CBLC: variants seen among roughly 807,000 people sequenced by gnomAD.
CBLC encodes E3 ubiquitin-protein ligase CBL-C.
CBLC carries 46 observed loss-of-function variants against 58.6 expected under a neutral mutation model. The ratio of observed to expected loss-of-function variants is 0.79; its 90% CI spans 0.62 to 1.00. The LOEUF is 1.00. Ranked by LOEUF, CBLC falls within the 50% of genes least tolerant of loss-of-function variation. The probability of loss-of-function intolerance (pLI) is 0.00; values close to 1 mark genes in which losing one functional copy is unlikely to be tolerated. For missense variants in CBLC, 655 were observed against 625.8 expected (o/e 1.05, Z -0.50); for synonymous variants, 271 against 264.2 (o/e 1.03, Z -0.25).
Position 44,784,282 on chromosome 19 carries a change from C to G in CBLC, c.798C>G (p.Ser266Arg), listed in dbSNP as rs1224709577. The stretch of plus-strand genomic sequence containing the variant: ...CCTCCAGTTACATCTTCCGGCCCAG[C>G]TGTACTCGCCTGGGGCAGTGGGCCA... ...DKPGSYIFRP[S>R]CTRLGQWAIG... The change falls in exon 5 of 11, where the codon AGC (serine) becomes AGG (arginine). Residue 266 changes from serine to arginine, a missense_variant. Ser to Arg is a moderately radical substitution (Grantham distance 110). This residue lies in a region of CBLC where 371 missense variants were observed against 370.8 expected (regional missense o/e 1.00). Transcript: ENST00000647358. 2.5e-6 allele frequency: 4 copies of G among 1,575,578 alleles called. No homozygotes were observed. Among genetic ancestry groups the G allele is most frequent in the Non-Finnish European group, 2.6e-6 (3 of 1,149,594 alleles).
chr19:44,792,891 A>T (rs2122491373), intron 7 of CBLC, among the ~76,000 whole-genome samples: 1 of 152,256 alleles, frequency 6.6e-6, no homozygotes, highest in South Asian at 2.1e-4. Flanking sequence ...TCACGCCTGT[A>T]ATCTCAGCAC....
rs564656795 is a variant in CBLC at position 44,794,073 on chromosome 19, C to A, written c.1285-131C>A. The A allele has an allele frequency of 2.7e-4, 388 of 1,447,256 alleles. 5 individuals carry two copies. The South Asian group carries it at 5.4e-3, about 20-fold the overall frequency. The allele number at this position is 1,447,256 out of a possible 1,614,324, so 89.7% of individuals were successfully genotyped here. A position where few individuals can be genotyped will look rare whatever the true frequency, so the allele number is the denominator to read the frequency against. ...GCTGTAACCCTCCTAAGTGTTCATA[C>A]GTTGTCTTGGTCTCTGTTATATCTT... On this transcript the variant is annotated intron_variant, in intron 8 of 10. Transcript: ENST00000647358.
At position 44,784,283 on chromosome 19, in the gene CBLC, T is replaced by C. The variant is rs1350362593; in HGVS notation, c.799T>C (p.Cys267Arg). 1 of 1,575,974 alleles carries C rather than the reference T, an allele frequency of 6.3e-7. No homozygotes were observed. The highest frequency in any genetic ancestry group is 8.7e-7 in the Non-Finnish European group (1 of 1,149,818). The part of the protein sequence containing the change: ...KPGSYIFRPS[C>R]TRLGQWAIGY... ...CTCCAGTTACATCTTCCGGCCCAGC[T>C]GTACTCGCCTGGGGCAGTGGGCCAT... Residue 267 changes from cysteine (C) to arginine (R), a missense_variant, in exon 5 of 11, where the codon TGT (cysteine) becomes CGT (arginine). This residue lies in a region of CBLC where 371 missense variants were observed against 370.8 expected (regional missense o/e 1.00). Transcript: ENST00000647358.
rs561741476 is a variant in CBLC at position 44,780,598 on chromosome 19, G to A, written c.354-307G>A. On this transcript the variant is annotated intron_variant, in intron 1 of 10. Transcript: ENST00000647358. ...AGCGATTCTCCTGCCTCAGCCTCCTGAGTAGCTGGGATTATAGGCGGGCGC... is the reference window on the plus strand; with the variant it reads ...AGCGATTCTCCTGCCTCAGCCTCCTAAGTAGCTGGGATTATAGGCGGGCGC... 1.5e-3 allele frequency among the ~76,000 whole-genome samples: 222 copies of A among 148,510 alleles called. 1 individual carries two copies. Among genetic ancestry groups the A allele is most frequent in the East Asian group, 0.013 (66 of 5,032 alleles).
At chr19:44,780,751 G>C (rs1174454042) in intron 1 of CBLC, among the ~76,000 whole-genome samples, 154 bp from the exon 2 acceptor site, 2 of 152,220 alleles carry the variant, frequency 1.3e-5, no homozygotes, top group Non-Finnish European at 1.5e-5. Flanking sequence ...GGGATTACAG[G>C]CGTGAGCCAC....
At chr19:44,798,014 G>A (rs962439008) in intron 9 of CBLC, among the ~76,000 whole-genome samples, 10 of 152,122 alleles carry the variant, frequency 6.6e-5, no homozygotes, top group African/African-American at 2.2e-4. Flanking sequence ...GTATGGTGCT[G>A]TGGCCCCTGG....
chr19:44,794,449 G>A (rs1298079203), intron 9 of CBLC, among the ~76,000 whole-genome samples, 168 bp downstream of exon 9: 2 of 149,890 alleles, frequency 1.3e-5, no homozygotes, highest in African/African-American at 4.9e-5. Flanking sequence ...TTCCCCCTCT[G>A]GGACTTTCTT....
Position 44,778,119 on chromosome 19 carries a change from G to A in CBLC, c.188G>A (p.Arg63Gln), listed in dbSNP as rs777753616. ...CTTCGAGAGGTGGCCCATTCTCGGC[G>A]GGCGGCCGGCGGAGGCGGCCCCGGG... ...QLLREVAHSR[R>Q]AAGGGGPGGP... Residue 63 changes from arginine (R) to glutamine (Q), a missense_variant, in exon 1 of 11, where the codon CGG becomes CAG. By Grantham distance (43) the Arg-to-Gln change is conservative (BLOSUM62 1). Around this residue, in one of 3 missense-constraint regions of CBLC, gnomAD observed 280 missense variants for 237.2 expected, o/e 1.18. Transcript: ENST00000647358. The A allele has an allele frequency of 1.1e-5, 18 of 1,599,964 alleles. No homozygotes were observed. Among genetic ancestry groups the A allele is most frequent in the Non-Finnish European group, 1.4e-5 (17 of 1,176,414 alleles).
intron 6 of CBLC, among the ~76,000 whole-genome samples, chr19:44,792,062 C>T (rs1599870110): frequency 1.3e-5 from 2 of 151,204 alleles, no homozygotes; most frequent in South Asian, 2.1e-4. Flanking sequence ...GGTGCAATCT[C>T]AGCTCACTGT....
chr19:44,790,434 T>TA (rs1189065298), intron 6 of CBLC, among the ~76,000 whole-genome samples: 5 of 152,032 alleles, frequency 3.3e-5, no homozygotes, highest in Non-Finnish European at 7.4e-5. Context: ...ATAATTTATT[T>TA]TTTATTTATT....
In CBLC at chr19:44,777,892, C is replaced by CCCAG. The variant is rs1967606969; in HGVS notation, c.-37_-34dup. 6.8e-7 allele frequency: 1 copy of CCCAG among 1,478,206 alleles called. No individual in the cohort carries two copies. The highest frequency in any genetic ancestry group is 8.9e-7 in the Non-Finnish European group (1 of 1,122,402). The allele number at this position is 1,478,206 out of a possible 1,614,324, so 91.6% of individuals were successfully genotyped here. ...TCACTCTGGGCGAGGCCGCCCCTATCCCAGCCGCACCGGTCCTTCCCGGCA... is the reference window on the plus strand; with the variant it reads ...TCACTCTGGGCGAGGCCGCCCCTATCCCAGCCAGCCGCACCGGTCCTTCCCGGCA... On this transcript the variant is annotated 5_prime_UTR_variant, in exon 1 of 11. Transcript: ENST00000647358.
In CBLC at chr19:44,781,051, G is replaced by T; in HGVS notation, c.500G>T (p.Arg167Leu). The T allele has an allele frequency of 6.2e-7, 1 of 1,611,132 alleles. No homozygotes were observed. Among genetic ancestry groups the T allele is most frequent in the Non-Finnish European group, 8.5e-7 (1 of 1,179,278 alleles). Residue 167 changes from arginine (R) to leucine (L), a missense_variant and splice_region_variant, in exon 2 of 11, where the codon CGG (arginine) becomes CTG (leucine). This residue lies in a region of CBLC where 280 missense variants were observed against 237.2 expected (regional missense o/e 1.18). Transcript: ENST00000647358. ...HTFWRESCGA[R>L]CVLPWAEFES... ...TTCTGGAGGGAAAGTTGCGGAGCCC[G>T]GTGAGTAAGCCCTTGTCCTCAGCTC...
At chr19:44,798,286 G>A (rs1415310320) in intron 9 of CBLC, among the ~76,000 whole-genome samples, 1 of 152,064 alleles carries the variant, frequency 6.6e-6, no homozygotes, top group Non-Finnish European at 1.5e-5. Flanking sequence ...TAACTCCTGG[G>A]CTCAAGTCTC....
chr19:44,779,878 A>AG (rs2122381899), intron 1 of CBLC, among the ~76,000 whole-genome samples: 1 of 152,198 alleles, frequency 6.6e-6, no homozygotes, highest in African/African-American at 2.4e-5. Context: ...TCATCCTGAG[A>AG]GGACATGCAG....
chr19:44,800,524 C>A, intron 10 of CBLC, 27 bp from the exon 11 acceptor site: 1 of 892,582 alleles, frequency 1.1e-6, no homozygotes, highest in Non-Finnish European at 1.8e-6. Flanking sequence ...GTGACCTCAT[C>A]TAACCCACCC....
chr19:44,781,073 G>C, intron 2 of CBLC, 22 bp downstream of exon 2: 1 of 1,605,120 alleles, frequency 6.2e-7, no homozygotes, highest in Non-Finnish European at 8.5e-7. Flanking sequence ...CTTGTCCTCA[G>C]CTCCCGGAGC....
chr19:44,783,272 C>T (rs905264021), intron 4 of CBLC, among the ~76,000 whole-genome samples: 2 of 151,984 alleles, frequency 1.3e-5, no homozygotes, highest in African/African-American at 2.4e-5. Context: ...TTTGGGAGGC[C>T]GAGGTGGGTG....
intron 5 of CBLC, among the ~76,000 whole-genome samples, chr19:44,784,950 G>GTTTGTTT (rs1967850075): frequency 8.7e-5 from 3 of 34,372 alleles, no homozygotes; most frequent in Admixed American, 3.9e-4. Context: ...CTAGACAGGT[G>GTTTGTTT]TTTTTTTTTT....
intron 6 of CBLC, among the ~76,000 whole-genome samples, chr19:44,790,764 C>T (rs959396573): frequency 1.3e-5 from 2 of 152,064 alleles, no homozygotes; most frequent in Admixed American, 1.3e-4. Context: ...AAATATATCC[C>T]GTGCAATATT....
Sources: allele counts gnomAD v4.1 joint callset (sites outside exome capture counted in the v4.1 genomes callset), GRCh38; gene constraint gnomAD v4.1.1; regional missense constraint gnomAD v4.1.1; transcripts MANE v1.5; gene names NCBI Gene and HGNC (gene_info 2026-07-23, HGNC 2026-07-21).